Variants in PTPRD observed in about 807,000 individuals in gnomAD.
PTPRD encodes receptor-type tyrosine-protein phosphatase delta.
Under a neutral mutation model 214.5 loss-of-function variants are expected in PTPRD, and 34 were observed. The ratio of observed to expected loss-of-function variants is 0.16; its 90% CI spans 0.12 to 0.21. The LOEUF (loss-of-function observed/expected upper bound fraction) is 0.21, where lower values mean the gene tolerates loss of function less well. Among genes scored for constraint, PTPRD ranks in the 10% least tolerant of loss-of-function variants. The pLI is 1.00. For synonymous variants in PTPRD, 1,128 were observed against 845.7 expected (o/e 1.33, Z -5.79); for missense variants, 2,545 against 2,398.7 (o/e 1.06, Z -1.27).
intron 11 of PTPRD, among the ~76,000 whole-genome samples, chr9:8,852,027 T>C (rs987390291): frequency 6.7e-6 from 1 of 149,056 alleles, no homozygotes; most frequent in Admixed American, 6.8e-5. Flanking sequence ...ACAACCCTTT[T>C]AGTTAATAAA....
intron 10 of PTPRD, among the ~76,000 whole-genome samples, chr9:9,057,374 A>G (rs896791156): frequency 6.6e-6 from 1 of 152,156 alleles, no homozygotes; most frequent in Non-Finnish European, 1.5e-5. Flanking sequence ...CTCAAGCCCC[A>G]CCCATCTCCA....
intron 7 of PTPRD, among the ~76,000 whole-genome samples, chr9:9,719,282 C>T (rs570214522): frequency 6.6e-6 from 1 of 152,114 alleles, no homozygotes; most frequent in Non-Finnish European, 1.5e-5. Context: ...TGTTCAACCT[C>T]CAGTTGTCCA....
Position 9,694,032 on chromosome 9 carries a change from CA to C in PTPRD, c.-287+40500del, listed in dbSNP as rs1284029789. Among the ~76,000 whole-genome samples the C allele has an allele frequency of 9.2e-5, 14 of 152,264 alleles. No individual in the cohort carries two copies. In the East Asian group the frequency reaches 1.2e-3, roughly 13 times the overall value. On this transcript the variant is annotated intron_variant, in intron 7 of 45. Transcript: ENST00000381196. Reference sequence around the variant, plus strand: ...AATCTTGAATTTCTTTGAGTTTCCTCAAAACAGCAATTTTGAATATTTTGCC... The same window carrying C: ...AATCTTGAATTTCTTTGAGTTTCCTCAAACAGCAATTTTGAATATTTTGCC...
Position 9,781,933 on chromosome 9 carries a change from C to A in PTPRD, c.-367-15082G>T, listed in dbSNP as rs570882952. Among the ~76,000 whole-genome samples, 8 of 152,208 alleles carry A rather than the reference C, an allele frequency of 5.3e-5. No individual in the cohort carries two copies. The South Asian group carries it at 1.4e-3, about 28-fold the overall frequency. The stretch of plus-strand genomic sequence containing the variant: ...TCAGCCTCCCAAGTAGCTGGGACTA[C>A]AGGCGCCCACTACCACGCCCGGCTA... On this transcript the variant is annotated intron_variant, in intron 5 of 45. Coordinates refer to ENST00000381196, the MANE Select transcript of PTPRD (RefSeq NM_002839.4).
chr9:9,709,514 A>G (rs1052926620), intron 7 of PTPRD, among the ~76,000 whole-genome samples: 9 of 152,052 alleles, frequency 5.9e-5, no homozygotes, highest in Non-Finnish European at 1.3e-4. Flanking sequence ...AAAACAAGAA[A>G]CAAATAATGA....
At chr9:10,180,446 A>G (rs1392420476) in intron 3 of PTPRD, among the ~76,000 whole-genome samples, 1 of 152,136 alleles carries the variant, frequency 6.6e-6, no homozygotes, top group East Asian at 1.9e-4. Context: ...GTGAAAACTT[A>G]AATAAAATAT....
chr9:8,858,072 C>T, intron 11 of PTPRD: 1 of 163,748 alleles, frequency 6.1e-6, no homozygotes, highest in Non-Finnish European at 1.3e-5. Flanking sequence ...GCTGCCGCCG[C>T]CGCCGCTGTT....
At chr9:9,180,465 G>C (rs1488267374) in intron 10 of PTPRD, among the ~76,000 whole-genome samples, 12 of 106,512 alleles carry the variant, frequency 1.1e-4, no homozygotes, top group South Asian at 3.9e-4. Context: ...GGGGAGGGCG[G>C]AGGGATAGCA....
intron 11 of PTPRD, among the ~76,000 whole-genome samples, chr9:8,791,368 G>C (rs955784686): frequency 6.6e-6 from 1 of 151,840 alleles, no homozygotes; most frequent in African/African-American, 2.4e-5. Context: ...TGGGATTACA[G>C]GCGCACACCA....
At chr9:8,655,598 T>C (rs2096893219) in intron 12 of PTPRD, among the ~76,000 whole-genome samples, 1 of 152,164 alleles carries the variant, frequency 6.6e-6, no homozygotes, top group African/African-American at 2.4e-5. Context: ...AACATAAAGC[T>C]TTGAAAAAGT....
chr9:9,628,592 A>G lies in PTPRD; in HGVS notation c.-286-53811T>C, dbSNP rs1445016462. 1.1e-4 allele frequency among the ~76,000 whole-genome samples: 16 copies of G among 152,284 alleles called. No individual in the cohort carries two copies. In the East Asian group the frequency reaches 2.9e-3, roughly 28 times the overall value. Reference sequence around the variant, plus strand: ...CTTTATTATTCCAAAGATATTTCAGATTAAAAAACTCTTAATGACAGAAAG... The same window carrying G: ...CTTTATTATTCCAAAGATATTTCAGGTTAAAAAACTCTTAATGACAGAAAG... On this transcript the variant is annotated intron_variant, in intron 7 of 45. Coordinates refer to ENST00000381196, the MANE Select transcript of PTPRD (RefSeq NM_002839.4).
intron 2 of PTPRD, among the ~76,000 whole-genome samples, chr9:10,503,293 T>C (rs1408886879): frequency 6.6e-6 from 1 of 151,094 alleles, no homozygotes. Flanking sequence ...GTCGTGATCA[T>C]CAATATTACT....
chr9:8,374,908 A>G (rs937155113), intron 39 of PTPRD, among the ~76,000 whole-genome samples: 20 of 151,946 alleles, frequency 1.3e-4, no homozygotes, highest in African/African-American at 4.8e-4. Context: ...CATTTCTAAA[A>G]AACTAGCTCC....
At chr9:9,862,653 G>C (rs1020264350) in intron 5 of PTPRD, among the ~76,000 whole-genome samples, 6 of 149,058 alleles carry the variant, frequency 4.0e-5, no homozygotes, top group African/African-American at 1.2e-4. Flanking sequence ...AATACTTGTT[G>C]TGGTGTGTTG....
chr9:8,746,819 C>A (rs1038859263), intron 11 of PTPRD, among the ~76,000 whole-genome samples: 2 of 132,576 alleles, frequency 1.5e-5, no homozygotes, highest in Admixed American at 6.9e-5. Context: ...CATAACAAGA[C>A]CCCATCTCTA....
chr9:10,100,134 T>C (rs536958793), intron 3 of PTPRD, among the ~76,000 whole-genome samples: 29 of 151,816 alleles, frequency 1.9e-4, no homozygotes, highest in Admixed American at 3.3e-4. Context: ...ACACCAAGTA[T>C]TATTTCTTAG....
intron 33 of PTPRD, 33 bp from the exon 34 acceptor site, chr9:8,449,870 A>C (rs1400681858): frequency 2.5e-6 from 4 of 1,599,058 alleles, no homozygotes; most frequent in Admixed American, 3.4e-5. Flanking sequence ...TAAGAAGAAA[A>C]GAAAAATCAA....
intron 9 of PTPRD, among the ~76,000 whole-genome samples, chr9:9,382,310 G>C (rs754846086): frequency 6.6e-6 from 1 of 152,022 alleles, no homozygotes; most frequent in Non-Finnish European, 1.5e-5. Flanking sequence ...TTTTGGCAAT[G>C]ACATTTTGGA....
intron 3 of PTPRD, among the ~76,000 whole-genome samples, chr9:10,036,758 A>G (rs1206852829): frequency 1.3e-5 from 2 of 151,828 alleles, no homozygotes; most frequent in Non-Finnish European, 2.9e-5. Flanking sequence ...TAATTTTTGT[A>G]TTTTTAGTAG....
Sources: gnomAD v4.1 joint callset for allele counts (sites outside exome capture counted in the v4.1 genomes callset) on GRCh38, gnomAD v4.1.1 for gene constraint, MANE v1.5 for transcripts, NCBI Gene and HGNC (gene_info 2026-07-23, HGNC 2026-07-21) for gene names.